The following SYCE2 variants were observed in gnomAD, a reference collection of about 807,000 sequenced individuals.
The protein encoded by SYCE2 is synaptonemal complex central element protein 2, also known as central element synaptonemal complex 1.
SYCE2 carries 3 observed loss-of-function variants against 27.9 expected under a neutral mutation model. The ratio of observed to expected loss-of-function variants is 0.11; its 90% CI spans 0.05 to 0.28. The LOEUF (loss-of-function observed/expected upper bound fraction) is 0.28, where lower values mean the gene tolerates loss of function less well. Ranked by LOEUF, SYCE2 falls within the 10% of genes least tolerant of loss-of-function variation. The pLI is 1.00. For missense variants in SYCE2, 207 were observed against 263.5 expected, an observed-to-expected ratio of 0.79 and a Z score of 1.48; for synonymous variants, 85 against 100.7, an observed-to-expected ratio of 0.84 and a Z score of 0.93.
intron 2 of SYCE2, among the ~76,000 whole-genome samples, chr19:12,911,506 C>T (rs1374591669): frequency 6.6e-6 from 1 of 151,752 alleles, no homozygotes. Context: ...GTGGCATGAT[C>T]TTGGCTCACT....
rs373107536 is a variant in SYCE2 at position 12,902,972 on chromosome 19, C to T, written c.306+1520G>A. On this transcript the variant is annotated intron_variant, in intron 3 of 5. Transcript: ENST00000293695. ...GCCTGGCTAATTTTTTTTTTTTTTT[C>T]GAGACAGCCAAGATCGTGCCACTCT... 2.2e-3 allele frequency among the ~76,000 whole-genome samples: 262 copies of T among 121,412 alleles called. 4 individuals carry two copies. Among genetic ancestry groups the T allele is most frequent in the African/African-American group, 6.7e-3 (217 of 32,428 alleles). The allele number at this position is 121,412 out of a possible 152,430, so 79.7% of individuals were successfully genotyped here. A position where few individuals can be genotyped will look rare whatever the true frequency, so the allele number is the denominator to read the frequency against.
intron 3 of SYCE2, among the ~76,000 whole-genome samples, chr19:12,900,945 C>T (rs1970822764): frequency 6.6e-6 from 1 of 151,876 alleles, no homozygotes; most frequent in African/African-American, 2.4e-5. Context: ...TTTGGGAGGC[C>T]GAGGCGGGCG....
intron 2 of SYCE2, among the ~76,000 whole-genome samples, chr19:12,916,070 T>A (rs1240794119): frequency 6.6e-6 from 1 of 151,292 alleles, no homozygotes; most frequent in East Asian, 1.9e-4. Context: ...ATCAGCCTTT[T>A]TTTTTTTTTT....
rs71168635 is a variant in SYCE2 at position 12,917,659 on chromosome 19, C to CTTTTT, written c.131+558_131+562dup. 7.6e-5 allele frequency among the ~76,000 whole-genome samples: 6 copies of CTTTTT among 79,396 alleles called. 1 individual carries two copies. Among genetic ancestry groups the CTTTTT allele is most frequent in the East Asian group, 9.6e-4 (2 of 2,082 alleles). The allele number at this position is 79,396 out of a possible 152,430, so 52.1% of individuals were successfully genotyped here. ...TACAGGCATAAGCCACCATTCCTGG[C>CTTTTT]TTTTTTTTTTTTTTTTTGAGACAGC... On this transcript the variant is annotated intron_variant, in intron 2 of 5. Coordinates refer to ENST00000293695, the MANE Select transcript of SYCE2 (RefSeq NM_001105578.2).
At chr19:12,900,694 T>C in intron 3 of SYCE2, 46 bp from the exon 4 acceptor site, 1 of 1,535,204 alleles carries the variant, frequency 6.5e-7, no homozygotes, top group Non-Finnish European at 8.9e-7. Context: ...ACAAGAGGTA[T>C]CACAAGACAT....
intron 2 of SYCE2, 24 bp downstream of exon 2, chr19:12,918,198 C>A (rs1398757737): frequency 2.1e-5 from 33 of 1,597,340 alleles, no homozygotes; most frequent in Non-Finnish European, 2.7e-5. Flanking sequence ...CTGTGTAGAC[C>A]CATAGGGCTG....
In SYCE2 at chr19:12,918,252, C is replaced by G. The variant is rs1267967843; in HGVS notation, c.101G>C (p.Cys34Ser). ...TGGCCCTCCACCAGCTTCCTCCTCG[C>G]AGTTCTCTTCCCACCGCGGATGCTC... ...SKEHPRWEEN[C>S]EEEAGGGPAS... Residue 34 changes from cysteine (C) to serine (S), a missense_variant, in exon 2 of 6, where the codon TGC (cysteine) becomes TCC (serine). Cys to Ser is a moderately radical substitution (Grantham distance 112). Transcript: ENST00000293695. The G allele has an allele frequency of 1.2e-6, 2 of 1,614,218 alleles. No individual in the cohort carries two copies. The highest frequency in any genetic ancestry group is 2.2e-5 in the South Asian group (2 of 91,088).
chr19:12,909,374 T>C (rs984254979), intron 2 of SYCE2, among the ~76,000 whole-genome samples: 4 of 152,062 alleles, frequency 2.6e-5, no homozygotes, highest in African/African-American at 9.7e-5. Context: ...ACTCCACATT[T>C]GCACAACCAA....
chr19:12,903,268 T>C (rs1970875793), intron 3 of SYCE2, among the ~76,000 whole-genome samples: 1 of 151,514 alleles, frequency 6.6e-6, no homozygotes, highest in Admixed American at 6.6e-5. Flanking sequence ...ATTTTTTGTA[T>C]TTTTAGTAGA....
chr19:12,919,183 C>T, intron 1 of SYCE2, 60 bp downstream of exon 1: 6 of 1,597,358 alleles, frequency 3.8e-6, no homozygotes, highest in Non-Finnish European at 3.4e-6. Flanking sequence ...GGGATCGCAG[C>T]CGTTCCCTGC....
At chr19:12,908,583 C>A (rs1053143284) in intron 2 of SYCE2, among the ~76,000 whole-genome samples, 1 of 152,098 alleles carries the variant, frequency 6.6e-6, no homozygotes, top group Non-Finnish European at 1.5e-5. Context: ...CTCAGCCTCT[C>A]AAAGTGCTGG....
At chr19:12,912,791 A>C (rs909544172) in intron 2 of SYCE2, among the ~76,000 whole-genome samples, 1 of 152,160 alleles carries the variant, frequency 6.6e-6, no homozygotes, top group South Asian at 2.1e-4. Flanking sequence ...AAAAAAAAAA[A>C]ATCACTTGAA....
chr19:12,918,196 A>AT (rs1971170890), intron 2 of SYCE2, 26 bp downstream of exon 2: 1 of 1,583,796 alleles, frequency 6.3e-7, no homozygotes, highest in Admixed American at 1.7e-5. Context: ...GCCTGTGTAG[A>AT]CCCATAGGGC....
At chr19:12,916,127 TG>T (rs1408473910) in intron 2 of SYCE2, among the ~76,000 whole-genome samples, 9 of 150,300 alleles carry the variant, frequency 6.0e-5, no homozygotes, top group African/African-American at 2.2e-4. Flanking sequence ...TGGAGTGCAA[TG>T]GTGCTATCTT....
chr19:12,903,208 C>T (rs1012104140), intron 3 of SYCE2, among the ~76,000 whole-genome samples: 1 of 151,622 alleles, frequency 6.6e-6, no homozygotes, highest in Non-Finnish European at 1.5e-5. Flanking sequence ...TCTCCTGCCT[C>T]AGCCTCCTGA....
chr19:12,900,312 C>T (rs1970808848), intron 4 of SYCE2, 148 bp downstream of exon 4: 1 of 1,085,636 alleles, frequency 9.2e-7, no homozygotes, highest in South Asian at 1.7e-5. Flanking sequence ...GGATCACAAA[C>T]AAGATGGTGA....
chr19:12,918,964 A>AG (rs147884948), intron 1 of SYCE2, among the ~76,000 whole-genome samples: 1 of 19,752 alleles, frequency 5.1e-5, no homozygotes, highest in Admixed American at 4.4e-4. Flanking sequence ...AAAAAAAAAA[A>AG]AAAGAAATGA....
In SYCE2 at chr19:12,918,639, G is replaced by A. The variant is rs900537715; in HGVS notation, c.16-302C>T. Among the ~76,000 whole-genome samples the A allele has an allele frequency of 2.6e-5, 4 of 152,158 alleles. No individual in the cohort carries two copies. The South Asian group carries it at 6.2e-4, about 24-fold the overall frequency. ...GTATGTGTGTTGGCTGGAGTCCTTC[G>A]AGAAAGGAGAAGAGGTAGGAGAAAA... is the stretch of plus-strand genomic sequence containing the variant. On this transcript the variant is annotated intron_variant, in intron 1 of 5. Transcript: ENST00000293695.
chr19:12,905,267 A>G (rs1174249641), intron 2 of SYCE2, among the ~76,000 whole-genome samples: 2 of 152,128 alleles, frequency 1.3e-5, no homozygotes, highest in Non-Finnish European at 2.9e-5. Context: ...CCCAAAGCCC[A>G]CTGTTATTTT....
Sources: gnomAD v4.1 joint callset for allele counts (sites outside exome capture counted in the v4.1 genomes callset) on GRCh38, gnomAD v4.1.1 for gene constraint, MANE v1.5 for transcripts, NCBI Gene and HGNC (gene_info 2026-07-23, HGNC 2026-07-21) for gene names.